BTN1A1: variants seen among roughly 807,000 people sequenced by gnomAD.
BTN1A1 encodes bK14H9.2 (butyrophilin, subfamily 1, member A1).
A neutral mutation model predicts 33.1 loss-of-function variants in BTN1A1; 26 were observed. The ratio of observed to expected loss-of-function variants is 0.79; its 90% CI spans 0.58 to 1.09. The LOEUF (loss-of-function observed/expected upper bound fraction) is 1.09, where lower values mean the gene tolerates loss of function less well. Ranked by LOEUF, BTN1A1 falls within the 50% of genes least tolerant of loss-of-function variation. BTN1A1 has a pLI of 0.00. For synonymous variants in BTN1A1, 235 were observed against 256.2 expected (o/e 0.92, Z 0.79); for missense variants, 558 against 655.7 (o/e 0.85, Z 1.63).
In BTN1A1 at chr6:26,509,442, A is replaced by C; in HGVS notation, c.*268A>C. 2.6e-6 allele frequency: 1 copy of C among 382,684 alleles called. No individual in the cohort carries two copies. Among genetic ancestry groups the C allele is most frequent in the South Asian group, 5.0e-5 (1 of 19,962 alleles). 23.7% of individuals were successfully genotyped at this position (382,684 alleles called of 1,614,324 possible). ...TTAAGACTAGAACCTATAGGAAACT[A>C]CTTGGAGCAAACTCAAAGGACAGAT... is the stretch of plus-strand genomic sequence containing the variant. On this transcript the variant is annotated 3_prime_UTR_variant, in exon 8 of 8. Coordinates refer to ENST00000684113, the MANE Select transcript of BTN1A1 (RefSeq NM_001732.3).
At chr6:26,502,762 A>G (rs1763819997) in intron 3 of BTN1A1, among the ~76,000 whole-genome samples, 2 of 152,304 alleles carry the variant, frequency 1.3e-5, no homozygotes, top group South Asian at 4.1e-4. Context: ...AGGCTGGCTT[A>G]TGGATTAGTT....
chr6:26,508,956 C>T lies in BTN1A1; in HGVS notation c.1363C>T (p.Pro455Ser), dbSNP rs1323026254. ...TTTCTCCAATGTCACTTTCTCTGGC[C>T]CCCTCCGGCCCTTCTTTTGCCTATG... ...YTFSNVTFSGPLRPFFCLWSS... is the reference protein window; with the variant it reads ...YTFSNVTFSGSLRPFFCLWSS... Residue 455 changes from proline to serine, a missense_variant, in exon 8 of 8, where the codon CCC becomes TCC. Physicochemically the swap from Pro to Ser is moderately conservative, Grantham distance 74. Coordinates refer to ENST00000684113, the MANE Select transcript of BTN1A1 (RefSeq NM_001732.3). 6.2e-7 allele frequency: 1 copy of T among 1,614,166 alleles called. No homozygotes were observed. Among genetic ancestry groups the T allele is most frequent in the South Asian group, 1.1e-5 (1 of 91,086 alleles).
At position 26,504,919 on chromosome 6, in the gene BTN1A1, C is replaced by G; in HGVS notation, c.428-6C>G. On this transcript the variant is annotated splice_region_variant and splice_polypyrimidine_tract_variant and intron_variant, in intron 3 of 7. Coordinates refer to ENST00000684113, the MANE Select transcript of BTN1A1 (RefSeq NM_001732.3). ...AAAACATTAAGTCCAGATTCTCTCT[C>G]CATAGCTCTGGGCTCTGACCCTCAC... The G allele has an allele frequency of 6.2e-7, 1 of 1,613,468 alleles. No homozygotes were observed. Among genetic ancestry groups the G allele is most frequent in the Non-Finnish European group, 8.5e-7 (1 of 1,179,526 alleles).
rs1763800440 is a variant in BTN1A1, at chr6:26,501,626, T to C, written c.116T>C (p.Leu39Pro). 1.2e-6 allele frequency: 2 copies of C among 1,613,936 alleles called. No homozygotes were observed. The highest frequency in any genetic ancestry group is 1.3e-5 in the African/African-American group (1 of 75,048). The change falls in exon 3 of 8, where the codon CTG becomes CCG. Residue 39 changes from leucine to proline, a missense_variant. Coordinates refer to ENST00000684113, the MANE Select transcript of BTN1A1 (RefSeq NM_001732.3). The surrounding 1 kb of genome is among the most constrained non-coding windows in gnomAD (Gnocchi z 5.2). ...FDVIGPPEPI[L>P]AVVGEDAELP... ...GTGATTGGACCCCCGGAGCCCATCC[T>C]GGCCGTTGTGGGTGAGGACGCCGAG...
In BTN1A1 at chr6:26,505,179, G is replaced by C. The variant is rs201843234; in HGVS notation, c.682G>C (p.Glu228Gln). ...CATCCAGAATCTCCTTCTTGGCCAGGAGAAGAAAGTAGAAATATCCATACC... is the reference window on the plus strand; with the variant it reads ...CATCCAGAATCTCCTTCTTGGCCAGCAGAAGAAAGTAGAAATATCCATACC... The part of the protein sequence containing the change: ...CYIQNLLLGQ[E>Q]KKVEISIPAS... The change falls in exon 4 of 8, where the codon GAG (glutamate) becomes CAG (glutamine). Residue 228 changes from glutamate to glutamine, a missense_variant. Glu to Gln is a conservative substitution (Grantham distance 29). Coordinates refer to ENST00000684113, the MANE Select transcript of BTN1A1 (RefSeq NM_001732.3). 2.5e-6 allele frequency: 4 copies of C among 1,613,754 alleles called. No individual in the cohort carries two copies. Among genetic ancestry groups the C allele is most frequent in the Non-Finnish European group, 3.4e-6 (4 of 1,179,694 alleles).
Position 26,508,695 on chromosome 6 carries a change from A to C in BTN1A1, c.1102A>C (p.Thr368Pro), listed in dbSNP as rs1477919918. The C allele has an allele frequency of 6.8e-6, 11 of 1,614,174 alleles. No homozygotes were observed. Among genetic ancestry groups the C allele is most frequent in the Non-Finnish European group, 7.6e-6 (9 of 1,180,028 alleles). The change falls in exon 8 of 8, where the codon ACT becomes CCT. Residue 368 changes from threonine (T) to proline (P), a missense_variant. Transcript: ENST00000684113. The part of the protein sequence containing the change: ...HYWEVEVGDR[T>P]DWAIGVCREN... Reference sequence around the variant, plus strand: ...CTGGGAGGTGGAGGTGGGAGACAGGACTGACTGGGCAATCGGCGTGTGTAG... The same window carrying C: ...CTGGGAGGTGGAGGTGGGAGACAGGCCTGACTGGGCAATCGGCGTGTGTAG...
intron 3 of BTN1A1, among the ~76,000 whole-genome samples, chr6:26,502,840 G>A (rs988288054): frequency 3.9e-5 from 6 of 152,020 alleles, no homozygotes; most frequent in Admixed American, 6.5e-5. Context: ...ATATAGAAAA[G>A]ATTCTGTTCT....
Position 26,501,559 on chromosome 6 carries a change from A to G in BTN1A1, c.80-31A>G. On this transcript the variant is annotated intron_variant, in intron 2 of 7. Transcript: ENST00000684113. The surrounding 1 kb of genome is among the most constrained non-coding windows in gnomAD (Gnocchi z 5.2). Reference sequence around the variant, plus strand: ...GTCTGTCCGTAGTTCCCATCTCCACATCCCGTCTGATCCCGCTCGTTTTTC... The same window carrying G: ...GTCTGTCCGTAGTTCCCATCTCCACGTCCCGTCTGATCCCGCTCGTTTTTC... The G allele has an allele frequency of 6.2e-7, 1 of 1,608,978 alleles. No homozygotes were observed. Among genetic ancestry groups the G allele is most frequent in the Non-Finnish European group, 8.5e-7 (1 of 1,176,546 alleles).
At position 26,501,529 on chromosome 6, in the gene BTN1A1, T is replaced by G. The variant is rs1024316338; in HGVS notation, c.80-61T>G. 6.3e-7 allele frequency: 1 copy of G among 1,599,524 alleles called. No homozygotes were observed. The highest frequency in any genetic ancestry group is 1.3e-5 in the African/African-American group (1 of 74,652). On this transcript the variant is annotated intron_variant, in intron 2 of 7. Coordinates refer to ENST00000684113, the MANE Select transcript of BTN1A1 (RefSeq NM_001732.3). The surrounding 1 kb of genome is among the most constrained non-coding windows in gnomAD (Gnocchi z 5.2). ...GCACTGCGCTTTGGCGGGAATCTGG[T>G]CGGTGTCTGTCCGTAGTTCCCATCT...
In BTN1A1 at chr6:26,501,055, T is replaced by C. The variant is rs1390533494; in HGVS notation, c.-57-175T>C. 6.6e-6 allele frequency among the ~76,000 whole-genome samples: 1 copy of C among 151,936 alleles called. No individual in the cohort carries two copies. Among genetic ancestry groups the C allele is most frequent in the African/African-American group, 2.4e-5 (1 of 41,324 alleles). ...TAAGTTTTAGAGTTAGAGTAGTGGG[T>C]GGGAAGGTGATAACCACAGTGTAAA... On this transcript the variant is annotated intron_variant, in intron 1 of 7. Transcript: ENST00000684113. This position sits in a 1 kb window ranked among gnomAD's most constrained non-coding sequence, Gnocchi z 5.2.
At chr6:26,506,993 G>A (rs1468774149) in intron 5 of BTN1A1, among the ~76,000 whole-genome samples, 161 bp downstream of exon 5, 2 of 152,190 alleles carry the variant, frequency 1.3e-5, no homozygotes, top group African/African-American at 4.8e-5. Flanking sequence ...AGCCGAGGTA[G>A]GTGGATCATC....
Position 26,509,367 on chromosome 6 carries a change from T to C in BTN1A1, c.*193T>C, listed in dbSNP as rs2113896267. 1 of 591,938 alleles carries C rather than the reference T, an allele frequency of 1.7e-6. No individual in the cohort carries two copies. The highest frequency in any genetic ancestry group is 2.9e-5 in the East Asian group (1 of 34,298). 36.7% of individuals were successfully genotyped at this position (591,938 alleles called of 1,614,324 possible). The stretch of plus-strand genomic sequence containing the variant: ...TCCAAATCTGTTTCTGTACCAATAT[T>C]TGGGGGATGGAGGGGTGACTCAAAC... On this transcript the variant is annotated 3_prime_UTR_variant, in exon 8 of 8. Transcript: ENST00000684113.
intron 5 of BTN1A1, among the ~76,000 whole-genome samples, chr6:26,507,712 G>A (rs1347142467): frequency 2.1e-5 from 2 of 95,260 alleles, no homozygotes; most frequent in Non-Finnish European, 4.2e-5. Context: ...GCAACAGAAT[G>A]AGATTCTATA....
At chr6:26,506,924 C>A in intron 5 of BTN1A1, 92 bp downstream of exon 5, 1 of 1,468,344 alleles carries the variant, frequency 6.8e-7, no homozygotes, top group Non-Finnish European at 9.3e-7. Flanking sequence ...TTTAGGATGA[C>A]AGGAAGATAT....
At chr6:26,502,185 A>T (rs1238999393) in intron 3 of BTN1A1, among the ~76,000 whole-genome samples, 1 of 152,238 alleles carries the variant, frequency 6.6e-6, no homozygotes, top group Non-Finnish European at 1.5e-5. Context: ...AGGCAGGATC[A>T]GCAAAAGAGA....
chr6:26,505,609 G>A (rs1447611447), intron 4 of BTN1A1, among the ~76,000 whole-genome samples: 1 of 151,998 alleles, frequency 6.6e-6, no homozygotes, highest in South Asian at 2.1e-4. Flanking sequence ...TATTTTTAGC[G>A]AAGGCAGGGT....
At position 26,501,539 on chromosome 6, in the gene BTN1A1, T is replaced by G. The variant is rs1561883022; in HGVS notation, c.80-51T>G. The G allele has an allele frequency of 6.2e-7, 1 of 1,603,968 alleles. No individual in the cohort carries two copies. Among genetic ancestry groups the G allele is most frequent in the South Asian group, 1.1e-5 (1 of 90,326 alleles). Reference sequence around the variant, plus strand: ...TTGGCGGGAATCTGGTCGGTGTCTGTCCGTAGTTCCCATCTCCACATCCCG... The same window carrying G: ...TTGGCGGGAATCTGGTCGGTGTCTGGCCGTAGTTCCCATCTCCACATCCCG... On this transcript the variant is annotated intron_variant, in intron 2 of 7. Transcript: ENST00000684113. This position sits in a 1 kb window ranked among gnomAD's most constrained non-coding sequence, Gnocchi z 5.2.
rs561565848 is a variant in BTN1A1 at position 26,508,940 on chromosome 6, T to G, written c.1347T>G (p.Asn449Lys). The G allele has an allele frequency of 1.2e-6, 2 of 1,614,122 alleles. No individual in the cohort carries two copies. Among genetic ancestry groups the G allele is most frequent in the Non-Finnish European group, 1.7e-6 (2 of 1,180,040 alleles). Residue 449 changes from asparagine to lysine, a missense_variant, in exon 8 of 8, where the codon AAT becomes AAG. Coordinates refer to ENST00000684113, the MANE Select transcript of BTN1A1 (RefSeq NM_001732.3). ...GATCTGATATCTATACTTTCTCCAA[T>G]GTCACTTTCTCTGGCCCCCTCCGGC... Reference protein sequence around the residue: ...NDGSDIYTFSNVTFSGPLRPF... With the variant: ...NDGSDIYTFSKVTFSGPLRPF...
In BTN1A1 at chr6:26,501,986, A is replaced by G. The variant is rs1181706890; in HGVS notation, c.427+49A>G. 6.6e-6 allele frequency: 10 copies of G among 1,507,072 alleles called. No individual in the cohort carries two copies. Among genetic ancestry groups the G allele is most frequent in the South Asian group, 1.4e-5 (1 of 73,490 alleles). The allele number at this position is 1,507,072 out of a possible 1,614,324, so 93.4% of individuals were successfully genotyped here. On this transcript the variant is annotated intron_variant, in intron 3 of 7. Coordinates refer to ENST00000684113, the MANE Select transcript of BTN1A1 (RefSeq NM_001732.3). This position sits in a 1 kb window ranked among gnomAD's most constrained non-coding sequence, Gnocchi z 5.2. The stretch of plus-strand genomic sequence containing the variant: ...CTCCGACGACTCCCCTGCTGTATAC[A>G]CTTTCGTATGGATCAGTTACTTTGG...
Sources: allele counts gnomAD v4.1 joint callset (sites outside exome capture counted in the v4.1 genomes callset), GRCh38; gene constraint gnomAD v4.1.1; non-coding constraint Gnocchi (gnomAD v3.1); transcripts MANE v1.5; gene names NCBI Gene and HGNC (gene_info 2026-07-23, HGNC 2026-07-21).